NELL1: variants seen among roughly 807,000 people sequenced by gnomAD.
The protein encoded by NELL1 is neural EGFL like 1.
In NELL1, 76 loss-of-function variants were observed where a neutral mutation model predicts 107.4. That is an observed-to-expected ratio of 0.71 (90% confidence interval 0.59 to 0.86). The LOEUF (loss-of-function observed/expected upper bound fraction) is 0.86, where lower values mean the gene tolerates loss of function less well. NELL1 is among the 40% of genes least tolerant of loss of function. The probability of loss-of-function intolerance (pLI) is 0.00; values close to 1 mark genes in which losing one functional copy is unlikely to be tolerated. For synonymous variants in NELL1, 353 were observed against 341.2 expected (o/e 1.03, Z -0.38); for missense variants, 1,024 against 1,005.5 (o/e 1.02, Z -0.25).
intron 12 of NELL1, among the ~76,000 whole-genome samples, chr11:21,104,124 A>C (rs915408232): frequency 1.3e-4 from 20 of 152,184 alleles, no homozygotes; most frequent in African/African-American, 4.8e-4. Flanking sequence ...TCTTAAGTCC[A>C]TTGGACCTTT....
At chr11:21,386,132 A>G (rs973959926) in intron 15 of NELL1, among the ~76,000 whole-genome samples, 1 of 151,712 alleles carries the variant, frequency 6.6e-6, no homozygotes, top group African/African-American at 2.4e-5. Context: ...CCATCCCTGT[A>G]TTACAACCAA....
intron 14 of NELL1, among the ~76,000 whole-genome samples, chr11:21,286,193 A>G (rs1849110853): frequency 6.6e-6 from 1 of 152,236 alleles, no homozygotes; most frequent in Admixed American, 6.5e-5. Context: ...GCATAAAGTC[A>G]GGGCCAGGAT....
chr11:20,954,045 G>A (rs16907135), intron 11 of NELL1, among the ~76,000 whole-genome samples: 8,008 of 152,170 alleles, frequency 0.053, 682 homozygotes, highest in East Asian at 0.27. Context: ...AGCCTCAGTC[G>A]GACTATGGCT....
chr11:21,018,683 T>C (rs571295172), intron 12 of NELL1, among the ~76,000 whole-genome samples: 1 of 152,154 alleles, frequency 6.6e-6, no homozygotes, highest in Non-Finnish European at 1.5e-5. Flanking sequence ...GTGAGGCCAG[T>C]GGGTAATGTC....
chr11:21,225,342 G>A (rs1373213942), intron 13 of NELL1, among the ~76,000 whole-genome samples: 1 of 152,176 alleles, frequency 6.6e-6, no homozygotes, highest in African/African-American at 2.4e-5. Flanking sequence ...ATCAGGGCCT[G>A]TAAGGGCTGT....
chr11:21,028,568 G>T (rs72940002), intron 12 of NELL1, among the ~76,000 whole-genome samples: 6,886 of 152,180 alleles, frequency 0.045, 210 homozygotes, highest in Middle Eastern at 0.11. Flanking sequence ...TACTACAACT[G>T]TCCCAGTCTG....
intron 12 of NELL1, among the ~76,000 whole-genome samples, chr11:21,002,514 T>C (rs1852245613): frequency 6.6e-6 from 1 of 152,106 alleles, no homozygotes; most frequent in Admixed American, 6.6e-5. Flanking sequence ...TAAAGATAGA[T>C]AGGATACTGC....
At chr11:21,557,041 T>C (rs1327552359) in intron 16 of NELL1, among the ~76,000 whole-genome samples, 13 of 151,950 alleles carry the variant, frequency 8.6e-5, no homozygotes, top group Admixed American at 8.5e-4. Context: ...CCTCTTCCCG[T>C]TGGCTGCCTT....
At chr11:20,913,848 G>GC (rs572493365) in intron 5 of NELL1, among the ~76,000 whole-genome samples, 178 of 131,228 alleles carry the variant, frequency 1.4e-3, no homozygotes, top group Non-Finnish European at 2.5e-3. Context: ...ATTACGGGGG[G>GC]CGGGGGGATG....
At chr11:20,838,844 A>C (rs916098264) in intron 3 of NELL1, among the ~76,000 whole-genome samples, 3 of 152,168 alleles carry the variant, frequency 2.0e-5, no homozygotes, top group African/African-American at 7.2e-5. Flanking sequence ...CTATATATTT[A>C]GTGCCTATTT....
intron 3 of NELL1, among the ~76,000 whole-genome samples, chr11:20,847,198 T>C (rs988268538): frequency 6.6e-6 from 1 of 152,274 alleles, no homozygotes; most frequent in Non-Finnish European, 1.5e-5. Context: ...CTTGAAAAGG[T>C]AAAGATAATA....
intron 12 of NELL1, among the ~76,000 whole-genome samples, chr11:20,977,755 A>G (rs1321052036): frequency 6.6e-6 from 1 of 152,246 alleles, no homozygotes; most frequent in Admixed American, 6.5e-5. Flanking sequence ...TGCCTGGCAC[A>G]TAGCAGCTAC....
At chr11:21,568,368 T>C (rs1591043585) in intron 17 of NELL1, among the ~76,000 whole-genome samples, 1 of 151,968 alleles carries the variant, frequency 6.6e-6, no homozygotes, top group Non-Finnish European at 1.5e-5. Context: ...GAATGTTGGG[T>C]GCATGTGAAG....
rs181053210 is a variant in NELL1 at position 21,018,926 on chromosome 11, A to G, written c.1300+58366A>G. On this transcript the variant is annotated intron_variant, in intron 12 of 19. Coordinates refer to ENST00000357134, the MANE Select transcript of NELL1 (RefSeq NM_006157.5). ...TTCTACTTCATTTTAAGTATTCCTA[A>G]TGTTTGGACATCTCCCACTCCACTC... 2.4e-3 allele frequency among the ~76,000 whole-genome samples: 369 copies of G among 152,116 alleles called. 4 individuals are homozygous for G. The highest frequency in any genetic ancestry group is 3.5e-4 in the Non-Finnish European group (24 of 67,966).
chr11:20,819,951 C>G (rs139837405), intron 3 of NELL1, among the ~76,000 whole-genome samples: 40 of 152,240 alleles, frequency 2.6e-4, no homozygotes, highest in African/African-American at 9.1e-4. Flanking sequence ...TCCTTGAGCT[C>G]CTTTCAGGCA....
intron 14 of NELL1, among the ~76,000 whole-genome samples, chr11:21,301,320 A>C (rs1030562761): frequency 3.3e-5 from 5 of 152,166 alleles, no homozygotes; most frequent in African/African-American, 1.2e-4. Context: ...GAATCGCCAC[A>C]CTGTCTTCCA....
At chr11:21,520,447 A>G (rs982366676) in intron 15 of NELL1, among the ~76,000 whole-genome samples, 1 of 152,122 alleles carries the variant, frequency 6.6e-6, no homozygotes, top group African/African-American at 2.4e-5. Flanking sequence ...CCTTTGACAG[A>G]TTTAAAATGA....
rs531512394 is a variant in NELL1 at position 20,725,018 on chromosome 11, A to G, written c.184+46958A>G. Among the ~76,000 whole-genome samples, 460 of 152,328 alleles carry G rather than the reference A, an allele frequency of 3.0e-3. 4 individuals carry two copies. Among genetic ancestry groups the G allele is most frequent in the Non-Finnish European group, 3.8e-3 (260 of 68,026 alleles). ...AGAGAATGAGGAAGTGCCACACTTT[A>G]AAACCATCAGCTCTCATAAGAACTC... On this transcript the variant is annotated intron_variant, in intron 2 of 19. Coordinates refer to ENST00000357134, the MANE Select transcript of NELL1 (RefSeq NM_006157.5).
intron 13 of NELL1, among the ~76,000 whole-genome samples, chr11:21,156,334 G>A (rs1303173362): frequency 6.6e-6 from 1 of 152,210 alleles, no homozygotes; most frequent in African/African-American, 2.4e-5. Flanking sequence ...GCAGGGCACA[G>A]TTGCCTCTGC....
Sources: gnomAD v4.1 joint callset for allele counts (sites outside exome capture counted in the v4.1 genomes callset) on GRCh38, gnomAD v4.1.1 for gene constraint, MANE v1.5 for transcripts, NCBI Gene and HGNC (gene_info 2026-07-23, HGNC 2026-07-21) for gene names.